Variants in KIF5C observed in about 807,000 individuals in gnomAD.
KIF5C encodes kinesin family member 5C, also known as kinesin heavy chain isoform 5C.
A neutral mutation model predicts 125.2 loss-of-function variants in KIF5C; 18 were observed. That is an observed-to-expected ratio of 0.14 (90% confidence interval 0.10 to 0.21). KIF5C has a LOEUF of 0.21. KIF5C is among the 10% of genes least tolerant of loss of function. The pLI is 1.00. For missense variants in KIF5C, 780 were observed against 1,183.8 expected, an observed-to-expected ratio of 0.66 and a Z score of 5.01; for synonymous variants, 405 against 434.0, an observed-to-expected ratio of 0.93 and a Z score of 0.83.
At chr2:148,938,303 C>T (rs887837906) in intron 4 of KIF5C, among the ~76,000 whole-genome samples, 6 of 152,192 alleles carry the variant, frequency 3.9e-5, no homozygotes, top group South Asian at 2.1e-4. Flanking sequence ...GTTCACATAC[C>T]GCAAAATTCA....
chr2:148,962,369 A>T (rs533715125), intron 11 of KIF5C, among the ~76,000 whole-genome samples: 1 of 148,608 alleles, frequency 6.7e-6, no homozygotes, highest in South Asian at 2.1e-4. Flanking sequence ...AGTAGAGATG[A>T]GGTTTTACCA....
chr2:148,916,911 C>A lies in KIF5C; in HGVS notation c.127-5226C>A, dbSNP rs562500898. Among the ~76,000 whole-genome samples the A allele has an allele frequency of 2.6e-5, 4 of 152,250 alleles. No individual in the cohort carries two copies. In the South Asian group the frequency reaches 8.3e-4, roughly 32 times the overall value. On this transcript the variant is annotated intron_variant, in intron 1 of 25. Coordinates refer to ENST00000435030, the MANE Select transcript of KIF5C (RefSeq NM_004522.3). Reference sequence around the variant, plus strand: ...GCCTACCTAGCTGGCTGCACGCATGCCATCTACCCTCTCCTGATCTTTCTT... The same window carrying A: ...GCCTACCTAGCTGGCTGCACGCATGACATCTACCCTCTCCTGATCTTTCTT...
chr2:148,899,305 C>T (rs1471327302), intron 1 of KIF5C, among the ~76,000 whole-genome samples: 1 of 152,092 alleles, frequency 6.6e-6, no homozygotes, highest in Non-Finnish European at 1.5e-5. Flanking sequence ...GCAATGTCAG[C>T]TTTTGGATTA....
intron 1 of KIF5C, 44 bp downstream of exon 1, chr2:148,875,787 A>G: frequency 6.4e-7 from 1 of 1,572,710 alleles, no homozygotes; most frequent in Non-Finnish European, 8.6e-7. Flanking sequence ...TCCGCGCCGC[A>G]GCTGGGCGCC....
At chr2:149,000,918 G>C (rs1423090943) in intron 21 of KIF5C, 136 bp downstream of exon 21, 1 of 1,460,752 alleles carries the variant, frequency 6.8e-7, no homozygotes, top group Non-Finnish European at 9.1e-7. Context: ...TGGAAAAGTA[G>C]GATTTGTAGA....
intron 14 of KIF5C, among the ~76,000 whole-genome samples, chr2:148,982,988 A>G (rs1037805188): frequency 5.3e-5 from 8 of 152,380 alleles, no homozygotes; most frequent in Middle Eastern, 3.4e-3. Flanking sequence ...TGGGTTTATT[A>G]AAGTTTGACA....
Position 148,875,627 on chromosome 2 carries a change from C to A in KIF5C, c.10C>A (p.Pro4Thr). The change falls in exon 1 of 26, where the codon CCA becomes ACA. Residue 4 changes from proline to threonine, a missense_variant. Around this residue, in one of 2 missense-constraint regions of KIF5C, gnomAD observed 207 missense variants for 441.2 expected, o/e 0.47. Transcript: ENST00000435030. ...CCTACCGCCGGCCGAGATGGCGGAT[C>A]CAGCCGAATGCAGCATCAAAGTGAT... MAD[P>T]AECSIKVMCR... The A allele has an allele frequency of 1.4e-6, 2 of 1,436,364 alleles. No homozygotes were observed. The highest frequency in any genetic ancestry group is 2.1e-5 in the Admixed American group (1 of 47,366). 89.0% of individuals were successfully genotyped at this position (1,436,364 alleles called of 1,614,324 possible).
chr2:148,968,441 G>A (rs1680807057), intron 11 of KIF5C, among the ~76,000 whole-genome samples: 1 of 152,116 alleles, frequency 6.6e-6, no homozygotes, highest in Admixed American at 6.5e-5. Flanking sequence ...TTAAATCTTC[G>A]AAGATGCTGG....
intron 21 of KIF5C, among the ~76,000 whole-genome samples, chr2:149,003,328 T>G (rs1681912831): frequency 6.6e-6 from 1 of 151,910 alleles, no homozygotes; most frequent in South Asian, 2.1e-4. Context: ...GGCCAGGGGG[T>G]GAATGCCCGG....
chr2:148,937,127 T>G (rs1173503679), intron 3 of KIF5C, among the ~76,000 whole-genome samples, 157 bp from the exon 4 acceptor site: 1 of 152,230 alleles, frequency 6.6e-6, no homozygotes, highest in Non-Finnish European at 1.5e-5. Flanking sequence ...TCTGGTCTGT[T>G]GGCAAGTCAG....
At chr2:148,875,969 G>C (rs1681175318) in intron 1 of KIF5C, among the ~76,000 whole-genome samples, 1 of 151,696 alleles carries the variant, frequency 6.6e-6, no homozygotes, top group Non-Finnish European at 1.5e-5. Context: ...TGGCGGGGGT[G>C]GGGATGGGGG....
rs1442705815 is a variant in KIF5C at position 148,875,391 on chromosome 2, C to G, written c.-227C>G. 2 of 506,136 alleles carry G rather than the reference C, an allele frequency of 4.0e-6. No individual in the cohort carries two copies. The highest frequency in any genetic ancestry group is 3.5e-6 in the Non-Finnish European group (1 of 287,718). 31.4% of individuals were successfully genotyped at this position (506,136 alleles called of 1,614,324 possible). A position where few individuals can be genotyped will look rare whatever the true frequency, so the allele number is the denominator to read the frequency against. ...GGGGCGGGGCAGGGCCAGGGCAGGC[C>G]GGTCTGCAGCCGGAGGGGCCGGAGC... is the stretch of plus-strand genomic sequence containing the variant. On this transcript the variant is annotated 5_prime_UTR_variant, in exon 1 of 26. Coordinates refer to ENST00000435030, the MANE Select transcript of KIF5C (RefSeq NM_004522.3).
rs1429131582 is a variant in KIF5C at position 148,953,147 on chromosome 2, GT to G, written c.968+2688del. Among the ~76,000 whole-genome samples the G allele has an allele frequency of 2.0e-5, 3 of 152,358 alleles. No individual in the cohort carries two copies. In the East Asian group the frequency reaches 5.8e-4, roughly 29 times the overall value. ...TGCTCTCTGTGACAGCAGGGACTGA[GT>G]TTGTCACAGACATTAGTTTCTCATC... On this transcript the variant is annotated intron_variant, in intron 10 of 25. Coordinates refer to ENST00000435030, the MANE Select transcript of KIF5C (RefSeq NM_004522.3).
intron 12 of KIF5C, among the ~76,000 whole-genome samples, chr2:148,974,499 C>T (rs1681008364): frequency 6.6e-6 from 1 of 152,150 alleles, no homozygotes; most frequent in Non-Finnish European, 1.5e-5. Flanking sequence ...ATTCCAAGAG[C>T]TTGCACTATA....
At chr2:148,969,949 C>G (rs948468473) in intron 11 of KIF5C, among the ~76,000 whole-genome samples, 5 of 152,178 alleles carry the variant, frequency 3.3e-5, no homozygotes, top group African/African-American at 1.2e-4. Context: ...CTTGGTTCCT[C>G]TCTGGGCAGG....
At chr2:149,020,224 G>C (rs893254963) in intron 25 of KIF5C, 8 of 152,212 alleles carry the variant, frequency 5.3e-5, no homozygotes, top group African/African-American at 1.9e-4. Context: ...CATCCTGCTG[G>C]AATCCATGTT....
At chr2:149,020,550 C>G (rs1382398536) in intron 25 of KIF5C, among the ~76,000 whole-genome samples, 1 of 152,140 alleles carries the variant, frequency 6.6e-6, no homozygotes, top group Non-Finnish European at 1.5e-5. Flanking sequence ...TGAGGCCGCC[C>G]CATTGCATTT....
chr2:148,951,906 C>T (rs1306364615), intron 10 of KIF5C, among the ~76,000 whole-genome samples: 2 of 152,150 alleles, frequency 1.3e-5, no homozygotes, highest in Non-Finnish European at 2.9e-5. Flanking sequence ...CATTAAGCCC[C>T]AGTCATTTCC....
At position 149,000,802 on chromosome 2, in the gene KIF5C, G is replaced by C. The variant is rs766843270; in HGVS notation, c.2373+20G>C. Reference sequence around the variant, plus strand: ...ACAGTGGTATGTCAAGATATTTCCCGATTTATGTTTGTCTCCAAGACCGGA... The same window carrying C: ...ACAGTGGTATGTCAAGATATTTCCCCATTTATGTTTGTCTCCAAGACCGGA... On this transcript the variant is annotated intron_variant, in intron 21 of 25. Transcript: ENST00000435030. The C allele has an allele frequency of 1.9e-6, 3 of 1,612,222 alleles. No individual in the cohort carries two copies. The highest frequency in any genetic ancestry group is 2.2e-5 in the East Asian group (1 of 44,870).
Sources: gnomAD v4.1 joint callset for allele counts (sites outside exome capture counted in the v4.1 genomes callset) on GRCh38, gnomAD v4.1.1 for gene constraint, gnomAD v4.1.1 regional missense constraint, MANE v1.5 for transcripts, NCBI Gene and HGNC (gene_info 2026-07-23, HGNC 2026-07-21) for gene names.